The following SUMF1 variants were observed in gnomAD, a reference collection of about 807,000 sequenced individuals.
SUMF1 encodes sulfatase modifying factor 1, also known as formylglycine-generating enzyme.
A neutral mutation model predicts 47.6 loss-of-function variants in SUMF1; 48 were observed. The ratio of observed to expected loss-of-function variants is 1.01; its 90% confidence interval spans 0.80 to 1.28. SUMF1 has a LOEUF of 1.28. SUMF1 is among the 50% of genes most tolerant of loss of function. The pLI, the probability that SUMF1 is intolerant of heterozygous loss-of-function variation, is 0.00. For missense variants in SUMF1, 571 were observed against 485.4 expected, an observed-to-expected ratio of 1.18 and a Z score of -1.66; for synonymous variants, 230 against 192.1, an observed-to-expected ratio of 1.20 and a Z score of -1.63.
chr3:4,367,177 C>T (rs1298761390), intron 8 of SUMF1, among the ~76,000 whole-genome samples: 2 of 152,140 alleles, frequency 1.3e-5, no homozygotes, highest in Non-Finnish European at 2.9e-5. Context: ...GGGTCAGGGA[C>T]CCACTTGAGG....
Position 4,188,904 on chromosome 3 carries a change from CAT to C in SUMF1, c.1015-120161_1015-120160del, listed in dbSNP as rs369990241. 3.1e-3 allele frequency among the ~76,000 whole-genome samples: 477 copies of C among 152,242 alleles called. 4 individuals carry two copies. The highest frequency in any genetic ancestry group is 0.011 in the African/African-American group (443 of 41,546). ...ATTTGAGTAAACACTACAATTAATACATGTTATATGTAATAAATCTTAGTTAT... is the reference window on the plus strand; with the variant it reads ...ATTTGAGTAAACACTACAATTAATACGTTATATGTAATAAATCTTAGTTAT... On this transcript the variant is annotated intron_variant and NMD_transcript_variant, in intron 8 of 12. Coordinates refer to the SUMF1 transcript ENST00000448413.
At chr3:4,035,627 T>C (rs1559416005) in intron 9 of SUMF1, among the ~76,000 whole-genome samples, 1 of 152,162 alleles carries the variant, frequency 6.6e-6, no homozygotes, top group South Asian at 2.1e-4. Flanking sequence ...TCTATAGGCT[T>C]CCATTAGGCT....
intron 8 of SUMF1, among the ~76,000 whole-genome samples, chr3:4,080,672 G>T (rs73806865): frequency 1.3e-5 from 2 of 151,932 alleles, no homozygotes; most frequent in Non-Finnish European, 2.9e-5. Flanking sequence ...TGTAATATAC[G>T]TTACCTTTAT....
chr3:4,416,394 G>A (rs568742644), intron 6 of SUMF1, among the ~76,000 whole-genome samples: 220 of 152,210 alleles, frequency 1.4e-3, no homozygotes, highest in Middle Eastern at 0.01. Context: ...ATGTATTTGT[G>A]GCATACTGCT....
At position 4,404,086 on chromosome 3, in the gene SUMF1, T is replaced by C. The variant is rs370694028; in HGVS notation, c.954+6779A>G. Among the ~76,000 whole-genome samples the C allele has an allele frequency of 2.0e-4, 30 of 152,336 alleles. 2 individuals carry two copies. The highest frequency in any genetic ancestry group is 7.2e-4 in the African/African-American group (30 of 41,582). On this transcript the variant is annotated intron_variant, in intron 7 of 8. Coordinates refer to ENST00000272902, the MANE Select transcript of SUMF1 (RefSeq NM_182760.4). ...GTCTGGATAACGTGTTTGAAATGTG[T>C]CTGCAGGATCTAAATATCTGAACCA... is the stretch of plus-strand genomic sequence containing the variant.
intron 8 of SUMF1, among the ~76,000 whole-genome samples, chr3:4,130,948 G>A (rs569878675): frequency 6.6e-6 from 1 of 152,238 alleles, no homozygotes; most frequent in East Asian, 1.9e-4. Context: ...CTGACAGGTA[G>A]GGATGCTGTT....
intron 6 of SUMF1, among the ~76,000 whole-genome samples, chr3:4,413,046 C>T (rs1701595887): frequency 6.6e-6 from 1 of 152,006 alleles, no homozygotes; most frequent in African/African-American, 2.4e-5. Context: ...GCTCTGTCAC[C>T]CAGACTGGAG....
chr3:4,278,916 T>C (rs1559645243), intron 8 of SUMF1, among the ~76,000 whole-genome samples: 1 of 152,158 alleles, frequency 6.6e-6, no homozygotes, highest in East Asian at 1.9e-4. Context: ...AGACAAATGA[T>C]TGAGGATACC....
chr3:4,249,677 G>C (rs1201255281), intron 8 of SUMF1, among the ~76,000 whole-genome samples: 5 of 151,996 alleles, frequency 3.3e-5, no homozygotes, highest in African/African-American at 1.2e-4. Flanking sequence ...CCCTAAAATG[G>C]CCTCTAAGTT....
intron 8 of SUMF1, among the ~76,000 whole-genome samples, chr3:4,145,191 TAAAAA>T (rs35699553): frequency 2.1e-4 from 19 of 90,508 alleles, no homozygotes; most frequent in African/African-American, 6.7e-4. Flanking sequence ...AAACTCCGTC[TAAAAA>T]AAAAAAAAAA....
At chr3:4,339,236 G>A (rs1243452941) in intron 8 of SUMF1, among the ~76,000 whole-genome samples, 1 of 152,030 alleles carries the variant, frequency 6.6e-6, no homozygotes. Flanking sequence ...CTTCATCACT[G>A]ATTGACTTCT....
At chr3:4,098,137 C>T (rs1052354108) in intron 8 of SUMF1, among the ~76,000 whole-genome samples, 10 of 152,058 alleles carry the variant, frequency 6.6e-5, no homozygotes, top group East Asian at 1.9e-4. Flanking sequence ...ATCTTTAATG[C>T]TAAAGTTCAC....
chr3:4,240,158 G>C (rs1427638926), intron 8 of SUMF1, among the ~76,000 whole-genome samples: 3 of 152,142 alleles, frequency 2.0e-5, no homozygotes, highest in African/African-American at 7.2e-5. Context: ...TGTGCTGCTG[G>C]ATTTGGTTTG....
chr3:4,159,552 CT>C lies in SUMF1; in HGVS notation c.1015-90808del, dbSNP rs763222913. On this transcript the variant is annotated intron_variant and NMD_transcript_variant, in intron 8 of 12. Coordinates refer to the SUMF1 transcript ENST00000448413. ...TTTTTTGATCAGTTCATCTTTTCATCTTTCTACTTAGATATGAATAGTTCAT... is the reference window on the plus strand; with the variant it reads ...TTTTTTGATCAGTTCATCTTTTCATCTTCTACTTAGATATGAATAGTTCAT... Among the ~76,000 whole-genome samples the C allele has an allele frequency of 2.0e-5, 3 of 151,788 alleles. No homozygotes were observed. The East Asian group carries it at 5.8e-4, about 29-fold the overall frequency.
intron 8 of SUMF1, among the ~76,000 whole-genome samples, chr3:4,296,557 T>A (rs1697856225): frequency 6.6e-6 from 1 of 152,140 alleles, no homozygotes; most frequent in African/African-American, 2.4e-5. Context: ...AAGATAAGCG[T>A]GTGCAGGGGA....
rs186270436 is a variant in SUMF1 at position 4,167,142 on chromosome 3, G to C, written c.1015-98397C>G. 5.9e-4 allele frequency among the ~76,000 whole-genome samples: 90 copies of C among 152,064 alleles called. 1 individual carries two copies. The highest frequency in any genetic ancestry group is 3.4e-3 in the Middle Eastern group (1 of 294). On this transcript the variant is annotated intron_variant and NMD_transcript_variant, in intron 8 of 12. Transcript: ENST00000448413. ...TCACTAACTTCAAGAATGAAGCCACGGGCCTCTGTGGTGAGTGTTACAGCT... is the reference window on the plus strand; with the variant it reads ...TCACTAACTTCAAGAATGAAGCCACCGGCCTCTGTGGTGAGTGTTACAGCT...
chr3:4,440,353 T>G (rs905358156), intron 3 of SUMF1, among the ~76,000 whole-genome samples: 1 of 152,200 alleles, frequency 6.6e-6, no homozygotes, highest in African/African-American at 2.4e-5. Flanking sequence ...TCTGAATACT[T>G]TCTGGCTTAG....
At chr3:4,325,472 GTAC>G (rs370413022) in intron 8 of SUMF1, among the ~76,000 whole-genome samples, 175 of 152,240 alleles carry the variant, frequency 1.1e-3, no homozygotes, top group South Asian at 2.3e-3. Flanking sequence ...AATTCAGCCT[GTAC>G]TACTGAGAAG....
At chr3:4,151,939 CTGGA>C (rs1040480922) in intron 8 of SUMF1, among the ~76,000 whole-genome samples, 1 of 151,470 alleles carries the variant, frequency 6.6e-6, no homozygotes, top group Admixed American at 6.6e-5. Context: ...CCTGTACTTG[CTGGA>C]TGGTTTCTGA....
Sources: gnomAD v4.1 joint callset for allele counts (sites outside exome capture counted in the v4.1 genomes callset) on GRCh38, gnomAD v4.1.1 for gene constraint, MANE v1.5 for transcripts, NCBI Gene and HGNC (gene_info 2026-07-23, HGNC 2026-07-21) for gene names.